The following TBC1D19 variants were observed in gnomAD, a reference collection of about 807,000 sequenced individuals.
TBC1D19 encodes the protein TBC1 domain family member 19, also known as TBC1 domain family, member 19.
A neutral mutation model predicts 89.0 loss-of-function variants in TBC1D19; 60 were observed. That is an observed-to-expected ratio of 0.67 (90% confidence interval 0.55 to 0.84). The LOEUF (loss-of-function observed/expected upper bound fraction) is 0.84. TBC1D19 is among the 40% of genes least tolerant of loss of function. The pLI is 0.00. For missense variants in TBC1D19, 500 were observed against 610.8 expected, an observed-to-expected ratio of 0.82 and a Z score of 1.91; for synonymous variants, 189 against 199.7, an observed-to-expected ratio of 0.95 and a Z score of 0.45.
At chr4:26,599,950 C>CAAAAAAAAAAAAA (rs36092049) in intron 1 of TBC1D19, among the ~76,000 whole-genome samples, 1 of 72,782 alleles carries the variant, frequency 1.4e-5, no homozygotes, top group Non-Finnish European at 2.4e-5. Context: ...TCTGTCTCTC[C>CAAAAAAAAAAAAA]AAAAAAAAAA....
chr4:26,682,692 T>C (rs1173066161), intron 11 of TBC1D19, among the ~76,000 whole-genome samples: 1 of 152,198 alleles, frequency 6.6e-6, no homozygotes, highest in African/African-American at 2.4e-5. Context: ...AGACACTATT[T>C]GCATCTCTTG....
intron 11 of TBC1D19, among the ~76,000 whole-genome samples, chr4:26,675,906 C>T (rs932371705): frequency 3.9e-5 from 6 of 152,184 alleles, no homozygotes; most frequent in Middle Eastern, 3.4e-3. Flanking sequence ...ATCTAACTTT[C>T]ATTTTTTAAA....
At chr4:26,697,028 T>C (rs543638795) in intron 13 of TBC1D19, among the ~76,000 whole-genome samples, 90 of 147,604 alleles carry the variant, frequency 6.1e-4, no homozygotes, top group African/African-American at 2.0e-3. Context: ...CTGAAGGAGA[T>C]AGAGACACAA....
At chr4:26,828,114 G>T in the TBC1D19 span, among the ~76,000 whole-genome samples, 2 of 152,174 alleles carry the variant, frequency 1.3e-5, no homozygotes, top group African/African-American at 2.4e-5. Context: ...GGCTTATGAA[G>T]TGCTCTGAGC....
chr4:26,694,303 C>T (rs1714569584), intron 13 of TBC1D19, among the ~76,000 whole-genome samples: 1 of 152,182 alleles, frequency 6.6e-6, no homozygotes, highest in African/African-American at 2.4e-5. Context: ...TCATTGCTAG[C>T]ACAGCAGTCT....
chr4:26,759,930 G>A (rs1321163917), downstream of TBC1D19, among the ~76,000 whole-genome samples: 1 of 152,186 alleles, frequency 6.6e-6, no homozygotes, highest in African/African-American at 2.4e-5. Context: ...TTGTGCACAA[G>A]CCTTCATGTG....
At chr4:26,748,379 G>A in intron 18 of TBC1D19, 32 bp from the exon 19 acceptor site, 2 of 1,505,690 alleles carry the variant, frequency 1.3e-6, no homozygotes, top group Non-Finnish European at 1.8e-6. Flanking sequence ...AATTTCAGTG[G>A]TACATTAATT....
At chr4:26,719,576 T>A (rs960596036) in intron 14 of TBC1D19, among the ~76,000 whole-genome samples, 1 of 152,084 alleles carries the variant, frequency 6.6e-6, no homozygotes, top group African/African-American at 2.4e-5. Flanking sequence ...TTTACTTTTC[T>A]GGGACAACTC....
At chr4:26,738,606 T>A (rs748623543) in intron 16 of TBC1D19, among the ~76,000 whole-genome samples, 82 of 151,964 alleles carry the variant, frequency 5.4e-4, no homozygotes, top group East Asian at 9.6e-4. Context: ...CTGTCTTTTT[T>A]AAATTTTATT....
the TBC1D19 span, among the ~76,000 whole-genome samples, chr4:26,802,415 A>G: frequency 6.6e-6 from 1 of 152,216 alleles, no homozygotes; most frequent in African/African-American, 2.4e-5. Flanking sequence ...AGCCTGGGCA[A>G]CATGGTGAAA....
intron 1 of TBC1D19, among the ~76,000 whole-genome samples, chr4:26,577,023 G>T (rs1297976799): frequency 6.6e-6 from 1 of 152,162 alleles, no homozygotes; most frequent in African/African-American, 2.4e-5. Flanking sequence ...ATGTGGGTGG[G>T]ACTCATCCAA....
In TBC1D19 at chr4:26,673,446, T is replaced by TATATATATATACACACACAC. The variant is rs373807642; in HGVS notation, c.704-329_704-328insTATATATATACACACACACA. 8.6e-3 allele frequency among the ~76,000 whole-genome samples: 785 copies of TATATATATATACACACACAC among 90,794 alleles called. 10 individuals carry two copies. The highest frequency in any genetic ancestry group is 0.016 in the Admixed American group (111 of 6,788). The allele number at this position is 90,794 out of a possible 152,430, so 59.6% of individuals were successfully genotyped here. On this transcript the variant is annotated intron_variant, in intron 10 of 20. Coordinates refer to ENST00000264866, the MANE Select transcript of TBC1D19 (RefSeq NM_018317.4). The stretch of plus-strand genomic sequence containing the variant: ...TTTCATATATATATATATATATATA[T>TATATATATATACACACACAC]ACACACACACACACACACACACACA...
chr4:26,581,969 A>C (rs1451303718), upstream of TBC1D19, among the ~76,000 whole-genome samples: 1 of 151,780 alleles, frequency 6.6e-6, no homozygotes, highest in Non-Finnish European at 1.5e-5. Flanking sequence ...ATTAGGATTA[A>C]GGGACTTTTT....
At chr4:26,714,374 G>A (rs1282872436) in intron 13 of TBC1D19, among the ~76,000 whole-genome samples, 1 of 152,012 alleles carries the variant, frequency 6.6e-6, no homozygotes, top group African/African-American at 2.4e-5. Context: ...CAAACATTGT[G>A]TATGGTGCTC....
chr4:26,800,089 T>C, the TBC1D19 span, among the ~76,000 whole-genome samples: 1 of 152,176 alleles, frequency 6.6e-6, no homozygotes, highest in South Asian at 2.1e-4. Context: ...ATGTGCCATG[T>C]TGGTGTGCTG....
At chr4:26,838,879 G>A in the TBC1D19 span, among the ~76,000 whole-genome samples, 1 of 152,164 alleles carries the variant, frequency 6.6e-6, no homozygotes, top group East Asian at 1.9e-4. Flanking sequence ...ATAAAATGCA[G>A]AGCCTGTTAA....
intron 15 of TBC1D19, among the ~76,000 whole-genome samples, chr4:26,724,805 A>G (rs74418935): frequency 0.015 from 2,275 of 149,048 alleles, 55 homozygotes; most frequent in African/African-American, 0.057. Flanking sequence ...TCCCCTGTAT[A>G]CACAGATGCT....
chr4:26,839,729 C>T, the TBC1D19 span, among the ~76,000 whole-genome samples: 1 of 152,218 alleles, frequency 6.6e-6, no homozygotes. Flanking sequence ...ATCACCAATG[C>T]TTTCCTCCTT....
chr4:26,637,636 T>C (rs1451531630), intron 5 of TBC1D19, among the ~76,000 whole-genome samples: 5 of 152,168 alleles, frequency 3.3e-5, no homozygotes, highest in Non-Finnish European at 5.9e-5. Context: ...CCTCCCAAAG[T>C]GCTGGGATTA....
Sources: gnomAD v4.1 joint callset for allele counts (sites outside exome capture counted in the v4.1 genomes callset) on GRCh38, gnomAD v4.1.1 for gene constraint, MANE v1.5 for transcripts, NCBI Gene and HGNC (gene_info 2026-07-23, HGNC 2026-07-21) for gene names.